The following PCDH15 variants were observed in gnomAD, a reference collection of about 807,000 sequenced individuals.
PCDH15 encodes the protein protocadherin related 15.
In PCDH15, 129 loss-of-function variants were observed where a neutral mutation model predicts 178.5. That is an observed-to-expected ratio of 0.72 (90% CI 0.63 to 0.84). The LOEUF (loss-of-function observed/expected upper bound fraction) is 0.84. Among genes scored for constraint, PCDH15 ranks in the 40% least tolerant of loss-of-function variants. PCDH15 has a pLI of 0.00. For synonymous variants in PCDH15, 800 were observed against 732.0 expected, an observed-to-expected ratio of 1.09 and a Z score of -1.50; for missense variants, 2,230 against 2,099.9, an observed-to-expected ratio of 1.06 and a Z score of -1.21.
chr10:55,416,366 A>C (rs1011780323), intron 2 of PCDH15, among the ~76,000 whole-genome samples: 3 of 151,802 alleles, frequency 2.0e-5, no homozygotes, highest in Admixed American at 6.6e-5. Flanking sequence ...CTTGCTATCC[A>C]TCATATTCTC....
In PCDH15 at chr10:53,938,922, A is replaced by G. The variant is rs775506606; in HGVS notation, c.3266T>C (p.Ile1089Thr). The change falls in exon 25 of 38, where the codon ATC (isoleucine) becomes ACC (threonine). Residue 1089 changes from isoleucine to threonine, a missense_variant. Physicochemically the swap from Ile to Thr is moderately conservative, Grantham distance 89 (BLOSUM62 -1). Coordinates refer to ENST00000644397, the MANE Select transcript of PCDH15 (RefSeq NM_001384140.1). ...TFGINNITGVIYVNGPLDYET... is the reference protein window; with the variant it reads ...TFGINNITGVTYVNGPLDYET... ...ATAATCCAGAGGTCCATTCACATAG[A>G]TAACACCTGTGATGTTATTAATTCC... is the stretch of plus-strand genomic sequence containing the variant. 6.2e-7 allele frequency: 1 copy of G among 1,613,120 alleles called. No individual in the cohort carries two copies. Among genetic ancestry groups the G allele is most frequent in the Admixed American group, 1.7e-5 (1 of 59,988 alleles).
At chr10:55,303,673 T>C (rs1415762883) in intron 1 of PCDH15, among the ~76,000 whole-genome samples, 1 of 152,208 alleles carries the variant, frequency 6.6e-6, no homozygotes, top group Non-Finnish European at 1.5e-5. Context: ...GTATTTCATC[T>C]AAGTTGTCTA....
At chr10:54,932,684 G>A (rs1047646724) in intron 2 of PCDH15, among the ~76,000 whole-genome samples, 23 of 152,112 alleles carry the variant, frequency 1.5e-4, no homozygotes, top group African/African-American at 5.5e-4. Context: ...TTACAAGCCT[G>A]TGCCACCATG....
At chr10:54,718,761 G>A (rs755285890) in intron 1 of PCDH15, among the ~76,000 whole-genome samples, 32 of 142,190 alleles carry the variant, frequency 2.3e-4, no homozygotes, top group Non-Finnish European at 3.0e-4. Context: ...GTACAATCTC[G>A]GCTCACTGCA....
intron 2 of PCDH15, among the ~76,000 whole-genome samples, chr10:55,058,082 G>A (rs1841347554): frequency 6.6e-6 from 1 of 151,936 alleles, no homozygotes; most frequent in Non-Finnish European, 1.5e-5. Context: ...TAATAATTAT[G>A]AAAGGTATTT....
intron 1 of PCDH15, among the ~76,000 whole-genome samples, chr10:54,731,563 TACACACACACACACACACACACAC>T (rs1159070523): frequency 1.4e-3 from 71 of 49,778 alleles, no homozygotes; most frequent in Non-Finnish European, 2.5e-3. Context: ...TATATATATA[TACACACACACACACACACACACAC>T]ACACACATAT....
Position 54,023,172 on chromosome 10 carries a change from T to C in PCDH15, c.2246A>G (p.Asn749Ser), listed in dbSNP as rs2135323756. 1 of 1,613,718 alleles carries C rather than the reference T, an allele frequency of 6.2e-7. No individual in the cohort carries two copies. Among genetic ancestry groups the C allele is most frequent in the Admixed American group, 1.7e-5 (1 of 59,976 alleles). ...ACCCAAACTGTAGTGCACTTGACCA[T>C]TTATTCCAGCATCAGGGTCTGTTGC... is the stretch of plus-strand genomic sequence containing the variant. ...VKATDPDAGI[N>S]GQVHYSLGNF... The change falls in exon 19 of 38, where the codon AAT (asparagine) becomes AGT (serine). Residue 749 changes from asparagine to serine, a missense_variant. Transcript: ENST00000644397.
chr10:54,536,997 CTTTTTTTTTTTT>C (rs747880795), intron 2 of PCDH15, among the ~76,000 whole-genome samples: 2 of 92,118 alleles, frequency 2.2e-5, no homozygotes, highest in Non-Finnish European at 4.1e-5. Context: ...AATTTGTTTC[CTTTTTTTTTTTT>C]TTTTTTTTTG....
intron 1 of PCDH15, among the ~76,000 whole-genome samples, chr10:54,729,144 G>C (rs894263883): frequency 6.6e-6 from 1 of 151,644 alleles, no homozygotes; most frequent in Non-Finnish European, 1.5e-5. Flanking sequence ...AAAGTTGAAA[G>C]CATCACACTA....
At chr10:54,271,429 C>T (rs1262991962) in intron 8 of PCDH15, among the ~76,000 whole-genome samples, 2 of 152,008 alleles carry the variant, frequency 1.3e-5, no homozygotes, top group Non-Finnish European at 2.9e-5. Flanking sequence ...AGGCTGGTTT[C>T]GAACTCCTGA....
chr10:55,388,204 G>A (rs17542790), intron 2 of PCDH15, among the ~76,000 whole-genome samples: 27,116 of 151,694 alleles, frequency 0.18, 2,546 homozygotes, highest in Middle Eastern at 0.22. Context: ...AGTCTCTCCC[G>A]CCAAGCCAAA....
chr10:54,089,127 C>T (rs11595991), intron 16 of PCDH15, among the ~76,000 whole-genome samples: 30,462 of 152,102 alleles, frequency 0.2, 3,311 homozygotes, highest in Non-Finnish European at 0.25. Flanking sequence ...TTCTATTTAA[C>T]GTGAAATTTC....
At chr10:55,441,363 T>C (rs2132069022) in intron 2 of PCDH15, among the ~76,000 whole-genome samples, 1 of 152,352 alleles carries the variant, frequency 6.6e-6, no homozygotes, top group South Asian at 2.1e-4. Context: ...ATTGCAAATT[T>C]TCATTTCCCA....
At chr10:55,601,787 A>G (rs1386736875) in intron 2 of PCDH15, among the ~76,000 whole-genome samples, 1 of 152,180 alleles carries the variant, frequency 6.6e-6, no homozygotes, top group African/African-American at 2.4e-5. Context: ...ATACAAGAAT[A>G]AGAGAGGTAG....
intron 26 of PCDH15, among the ~76,000 whole-genome samples, chr10:53,880,549 C>T (rs2080630805): frequency 6.6e-6 from 1 of 152,084 alleles, no homozygotes; most frequent in Non-Finnish European, 1.5e-5. Flanking sequence ...GACAATTTTA[C>T]TGCCTACCTA....
intron 1 of PCDH15, among the ~76,000 whole-genome samples, chr10:55,184,247 A>G (rs1290202239): frequency 6.6e-6 from 1 of 151,968 alleles, no homozygotes; most frequent in Non-Finnish European, 1.5e-5. Context: ...ACAATGAGAC[A>G]ATTATAGTTT....
intron 18 of PCDH15, among the ~76,000 whole-genome samples, chr10:54,030,155 T>C (rs929848504): frequency 2.6e-5 from 4 of 152,076 alleles, no homozygotes; most frequent in Admixed American, 6.6e-5. Flanking sequence ...TAGCACCTAA[T>C]TGGCCCAGTG....
At chr10:54,083,372 G>A (rs1370332942) in intron 16 of PCDH15, among the ~76,000 whole-genome samples, 1 of 152,148 alleles carries the variant, frequency 6.6e-6, no homozygotes, top group Non-Finnish European at 1.5e-5. Flanking sequence ...TAGAAAAACA[G>A]CTTAAACGTC....
chr10:55,444,211 C>T (rs1399633768), intron 2 of PCDH15, among the ~76,000 whole-genome samples: 1 of 151,350 alleles, frequency 6.6e-6, no homozygotes, highest in Non-Finnish European at 1.5e-5. Flanking sequence ...TGCAGCAAAC[C>T]ACCATGGCAC....
Sources: gnomAD v4.1 joint callset for allele counts (sites outside exome capture counted in the v4.1 genomes callset) on GRCh38, gnomAD v4.1.1 for gene constraint, MANE v1.5 for transcripts, NCBI Gene and HGNC (gene_info 2026-07-23, HGNC 2026-07-21) for gene names.